The following AKIP1 variants were observed in gnomAD, a reference collection of about 807,000 sequenced individuals.
AKIP1 encodes A-kinase-interacting protein 1.
In AKIP1, 18 loss-of-function variants were observed where a neutral mutation model predicts 22.3. The ratio of observed to expected loss-of-function variants is 0.81; its 90% confidence interval spans 0.56 to 1.19. The LOEUF (loss-of-function observed/expected upper bound fraction) is 1.19. Among genes scored for constraint, AKIP1 ranks in the 50% most tolerant of loss-of-function variants. The pLI is 0.00. For synonymous variants in AKIP1, 120 were observed against 102.7 expected, an observed-to-expected ratio of 1.17 and a Z score of -1.02; for missense variants, 287 against 264.6, an observed-to-expected ratio of 1.08 and a Z score of -0.59.
chr11:8,917,369 T>C lies in AKIP1; in HGVS notation c.489+2T>C. 1 of 1,613,034 alleles carries C rather than the reference T, an allele frequency of 6.2e-7. No homozygotes were observed. Among genetic ancestry groups the C allele is most frequent in the Non-Finnish European group, 8.5e-7 (1 of 1,179,358 alleles). On this transcript the variant is annotated splice_donor_variant, in intron 5 of 5. Transcript: ENST00000309377. LOFTEE classifies it high-confidence loss of function. Reference sequence around the variant, plus strand: ...CATGCTCCAGAGGCATCCCAGCCTGTGAGTACGGAACTGCTTACGCACTGG... The same window carrying C: ...CATGCTCCAGAGGCATCCCAGCCTGCGAGTACGGAACTGCTTACGCACTGG...
chr11:8,911,660 C>G lies in AKIP1; in HGVS notation c.211C>G (p.Leu71Val), dbSNP rs1248080855. The change falls in exon 2 of 6, where the codon CTC becomes GTC. Residue 71 changes from leucine to valine, a missense_variant. By Grantham distance (32) the Leu-to-Val change is conservative (BLOSUM62 1). Coordinates refer to ENST00000309377, the MANE Select transcript of AKIP1 (RefSeq NM_020642.4). ...GCCGGCAGCCGGCCCGCAGCGCGTT[C>G]TCCCGGGAGAGGTGAGGGTCGCTGT... ...KQPAAGPQRV[L>V]PGEREERPPT... 6.4e-7 allele frequency: 1 copy of G among 1,558,516 alleles called. No homozygotes were observed. The highest frequency in any genetic ancestry group is 1.2e-5 in the South Asian group (1 of 82,286).
At chr11:8,913,843 A>G (rs950921338) in intron 3 of AKIP1, among the ~76,000 whole-genome samples, 1 of 152,238 alleles carries the variant, frequency 6.6e-6, no homozygotes, top group African/African-American at 2.4e-5. Flanking sequence ...ACAAAAATCA[A>G]TAGCCTCAAC....
intron 4 of AKIP1, among the ~76,000 whole-genome samples, chr11:8,916,902 T>A (rs2064494438): frequency 6.6e-6 from 1 of 151,936 alleles, no homozygotes. Context: ...CCACCCCCAC[T>A]CCTAGAAGAA....
At chr11:8,919,195 G>A (rs1459753995) in intron 5 of AKIP1, 142 bp from the exon 6 acceptor site, 7 of 749,644 alleles carry the variant, frequency 9.3e-6, no homozygotes, top group Non-Finnish European at 1.5e-5. Context: ...TGAGCAGGCT[G>A]AGCCTTGAAA....
At chr11:8,915,249 G>A (rs1441293651) in intron 4 of AKIP1, among the ~76,000 whole-genome samples, 3 of 151,310 alleles carry the variant, frequency 2.0e-5, no homozygotes. Flanking sequence ...GATCGCCCCT[G>A]TGACTATCCC....
intron 4 of AKIP1, 68 bp from the exon 5 acceptor site, chr11:8,917,218 AG>A: frequency 9.5e-7 from 1 of 1,048,370 alleles, no homozygotes; most frequent in South Asian, 1.9e-5. Context: ...ATAAGGTAGA[AG>A]AGAACTTCTC....
intron 5 of AKIP1, among the ~76,000 whole-genome samples, 154 bp from the exon 6 acceptor site, chr11:8,919,183 C>T (rs1041149512): frequency 6.6e-6 from 1 of 152,180 alleles, no homozygotes; most frequent in Non-Finnish European, 1.5e-5. Context: ...CAGTGTTGTA[C>T]GTGAGCAGGC....
intron 5 of AKIP1, chr11:8,917,751 A>C: frequency 2.8e-6 from 1 of 363,124 alleles, no homozygotes; most frequent in Non-Finnish European, 4.9e-6. Context: ...TGAAATTCCG[A>C]AACATACACA....
Position 8,914,703 on chromosome 11 carries a change from G to A in AKIP1, c.304-123G>A, listed in dbSNP as rs531408095. On this transcript the variant is annotated intron_variant, in intron 3 of 5. Coordinates refer to ENST00000309377, the MANE Select transcript of AKIP1 (RefSeq NM_020642.4). ...ATGACTTCAGAGGCCTGTCAAGAGG[G>A]CAGGTAATTCACCTTTGCTCTCTTG... 189 of 663,934 alleles carry A rather than the reference G, an allele frequency of 2.8e-4. 1 individual carries two copies. The South Asian group carries it at 3.1e-3, about 11-fold the overall frequency. 41.1% of individuals were successfully genotyped at this position (663,934 alleles called of 1,614,324 possible).
chr11:8,912,860 G>T (rs535160698), intron 3 of AKIP1, among the ~76,000 whole-genome samples: 67 of 119,750 alleles, frequency 5.6e-4, no homozygotes, highest in African/African-American at 1.3e-3. Context: ...AATATTAGGG[G>T]TTTTTTTTAA....
chr11:8,911,400 GC>G, intron 1 of AKIP1, 43 bp from the exon 2 acceptor site: 2 of 1,506,002 alleles, frequency 1.3e-6, no homozygotes, highest in Non-Finnish European at 1.8e-6. Flanking sequence ...GGTCGCCGCG[GC>G]CCAGCTGACC....
chr11:8,917,294 A>T lies in AKIP1; in HGVS notation c.416A>T (p.Asp139Val), dbSNP rs772396198. ...TTCTACTTGTCTCTTCAGAGAAAAG[A>T]CAGAAAAAAGACATCCCTTGGTCCT... is the stretch of plus-strand genomic sequence containing the variant. ...CLDIGNGQRK[D>V]RKKTSLGPGG... Residue 139 changes from aspartate (D) to valine (V), a missense_variant, in exon 5 of 6, where the codon GAC (aspartate) becomes GTC (valine). Asp to Val is a radical substitution (Grantham distance 152). Transcript: ENST00000309377. The T allele has an allele frequency of 1.9e-6, 3 of 1,606,746 alleles. No homozygotes were observed. Among genetic ancestry groups the T allele is most frequent in the South Asian group, 2.2e-5 (2 of 90,348 alleles).
chr11:8,915,371 T>TC (rs1566105758), intron 4 of AKIP1, among the ~76,000 whole-genome samples: 2 of 135,354 alleles, frequency 1.5e-5, no homozygotes, highest in Non-Finnish European at 3.2e-5. Context: ...TTTTTTTTTT[T>TC]TTTTTTTTTT....
chr11:8,917,000 GAAAACC>G (rs2064495956), intron 4 of AKIP1, among the ~76,000 whole-genome samples: 1 of 152,186 alleles, frequency 6.6e-6, no homozygotes, highest in Admixed American at 6.5e-5. Context: ...TTACAGACTG[GAAAACC>G]AAGGTTCAAG....
At chr11:8,915,602 A>C (rs538597605) in intron 4 of AKIP1, among the ~76,000 whole-genome samples, 1 of 143,438 alleles carries the variant, frequency 7.0e-6, no homozygotes, top group South Asian at 2.2e-4. Flanking sequence ...TAATAATTAC[A>C]TTTTTTACTA....
At chr11:8,911,748 C>G (rs1011937839) in intron 2 of AKIP1, 77 bp downstream of exon 2, 1 of 1,373,450 alleles carries the variant, frequency 7.3e-7, no homozygotes, top group African/African-American at 1.5e-5. Context: ...GTGCGCAGCG[C>G]AGAAGCAGCT....
At chr11:8,912,054 G>C (rs540301980) in intron 2 of AKIP1, among the ~76,000 whole-genome samples, 59 of 151,956 alleles carry the variant, frequency 3.9e-4, no homozygotes, top group South Asian at 3.1e-3. Flanking sequence ...AAAATTAGCC[G>C]GGCGTGGTGG....
chr11:8,912,377 G>A (rs1314761097), intron 2 of AKIP1, 76 bp from the exon 3 acceptor site: 11 of 1,186,760 alleles, frequency 9.3e-6, no homozygotes, highest in African/African-American at 1.5e-5. Flanking sequence ...GTAAAAAGGA[G>A]ACTATTTCCA....
chr11:8,916,934 G>C (rs2064494846), intron 4 of AKIP1, among the ~76,000 whole-genome samples: 1 of 152,186 alleles, frequency 6.6e-6, no homozygotes. Context: ...AATGTATTGA[G>C]AGCCTAAGTG....
Sources: gnomAD v4.1 joint callset for allele counts (sites outside exome capture counted in the v4.1 genomes callset) on GRCh38, gnomAD v4.1.1 for gene constraint, MANE v1.5 for transcripts, NCBI Gene and HGNC (gene_info 2026-07-23, HGNC 2026-07-21) for gene names.